CDH15: variants seen among roughly 807,000 people sequenced by gnomAD.
The protein encoded by CDH15 is cadherin 15, also known as cadherin-15.
In CDH15, 73 loss-of-function variants were observed where a neutral mutation model predicts 69.4. That is an observed-to-expected ratio of 1.05 (90% CI 0.87 to 1.28). The LOEUF (loss-of-function observed/expected upper bound fraction) is 1.28. Among genes scored for constraint, CDH15 ranks in the 50% most tolerant of loss-of-function variants. The pLI, the probability that CDH15 is intolerant of heterozygous loss-of-function variation, is 0.00. For synonymous variants in CDH15, 624 were observed against 507.7 expected (o/e 1.23, Z -3.08); for missense variants, 1,343 against 1,133.6 (o/e 1.18, Z -2.65).
At chr16:89,187,848 A>G (rs944145910) in intron 6 of CDH15, among the ~76,000 whole-genome samples, 44 of 152,266 alleles carry the variant, frequency 2.9e-4, no homozygotes, top group African/African-American at 9.6e-4. Context: ...CCTTTGCTGT[A>G]TGGGAAGGGA....
chr16:89,180,160 C>G (rs1915343675), intron 2 of CDH15, 40 bp from the exon 3 acceptor site: 1 of 1,606,568 alleles, frequency 6.2e-7, no homozygotes, highest in Non-Finnish European at 8.5e-7. Flanking sequence ...GAGGCCCCCG[C>G]CCGGAGCAGC....
rs1025790703 is a variant in CDH15 at position 89,180,189 on chromosome 16, C to G, written c.202-11C>G. On this transcript the variant is annotated splice_polypyrimidine_tract_variant and intron_variant, in intron 2 of 13. Coordinates refer to ENST00000289746, the MANE Select transcript of CDH15 (RefSeq NM_004933.3). ...GAGCAGCTCTCCCCAAACCCATTTC[C>G]TGCCCCACAGATCAAGTCGGACAAG... 1.2e-6 allele frequency: 2 copies of G among 1,610,236 alleles called. No homozygotes were observed. The highest frequency in any genetic ancestry group is 2.7e-5 in the African/African-American group (2 of 74,832).
chr16:89,193,674 G>A, intron 12 of CDH15, 68 bp downstream of exon 12: 1 of 1,568,206 alleles, frequency 6.4e-7, no homozygotes, highest in Non-Finnish European at 8.6e-7. Context: ...CTTACAACAA[G>A]CTGGCCAGGA....
At chr16:89,172,132 G>A (rs780012334) in intron 1 of CDH15, among the ~76,000 whole-genome samples, 16 of 152,150 alleles carry the variant, frequency 1.1e-4, no homozygotes, top group Non-Finnish European at 2.1e-4. Flanking sequence ...AGGGACCCCA[G>A]GCAGGGGCCA....
chr16:89,186,733 A>T (rs1915498168), intron 5 of CDH15, among the ~76,000 whole-genome samples: 1 of 147,414 alleles, frequency 6.8e-6, no homozygotes, highest in Admixed American at 6.7e-5. Flanking sequence ...GTAAAAGCTC[A>T]CCCAGCGCAC....
At chr16:89,190,176 A>G in intron 7 of CDH15, 67 bp from the exon 8 acceptor site, 1 of 1,579,122 alleles carries the variant, frequency 6.3e-7, no homozygotes. Flanking sequence ...TGGCTCCCCC[A>G]TGGCACCTGC....
rs1244904767 is a variant in CDH15 at position 89,191,396 on chromosome 16, C to A, written c.1299C>A (p.Thr433=). ...ACGCAGCCACTGGCCGGATCCAGAC[C>A]CAGCACGTGCTCAGCCCGGCGTCCC... is the stretch of plus-strand genomic sequence containing the variant. ...QVDAATGRIQ[T]QHVLSPASPF... is the part of the protein sequence containing the mutation. The change falls in exon 9 of 14, where the codon ACC becomes ACA. Residue 433 remains threonine, a synonymous_variant. Transcript: ENST00000289746. 1 of 1,612,812 alleles carries A rather than the reference C, an allele frequency of 6.2e-7. No individual in the cohort carries two copies. The highest frequency in any genetic ancestry group is 8.5e-7 in the Non-Finnish European group (1 of 1,179,992).
chr16:89,177,689 G>C (rs531487180), intron 1 of CDH15, among the ~76,000 whole-genome samples: 1 of 152,258 alleles, frequency 6.6e-6, no homozygotes, highest in South Asian at 2.1e-4. Flanking sequence ...AGTTCAGGCA[G>C]ACTCTGTGCC....
chr16:89,191,412 C>A lies in CDH15; in HGVS notation c.1315C>A (p.Pro439Thr). ...GRIQTQHVLSPASPFLKGGWY... is the reference protein window; with the variant it reads ...GRIQTQHVLSTASPFLKGGWY... ...GATCCAGACCCAGCACGTGCTCAGC[C>A]CGGCGTCCCCCTTCCTCAAGGGCGG... The change falls in exon 9 of 14, where the codon CCG (proline) becomes ACG (threonine). Residue 439 changes from proline to threonine, a missense_variant. Pro to Thr is a conservative substitution (Grantham distance 38). Coordinates refer to ENST00000289746, the MANE Select transcript of CDH15 (RefSeq NM_004933.3). 6.2e-7 allele frequency: 1 copy of A among 1,612,788 alleles called. No individual in the cohort carries two copies. Among genetic ancestry groups the A allele is most frequent in the South Asian group, 1.1e-5 (1 of 91,086 alleles).
intron 2 of CDH15, 84 bp from the exon 3 acceptor site, chr16:89,180,116 C>G: frequency 1.3e-6 from 2 of 1,482,220 alleles, no homozygotes; most frequent in Non-Finnish European, 9.3e-7. Context: ...CTGCTGTCAG[C>G]TGGGGAGGGG....
At chr16:89,181,645 A>G (rs1418038747) in intron 3 of CDH15, among the ~76,000 whole-genome samples, 2 of 152,028 alleles carry the variant, frequency 1.3e-5, no homozygotes, top group South Asian at 2.1e-4. Flanking sequence ...TCAAAAAAAA[A>G]AGAAGAAAAG....
intron 6 of CDH15, 68 bp downstream of exon 6, chr16:89,187,625 C>A (rs1915519674): frequency 6.3e-7 from 1 of 1,592,706 alleles, no homozygotes; most frequent in Non-Finnish European, 8.6e-7. Flanking sequence ...TGGGCTCCTG[C>A]AGAAGGCAGC....
chr16:89,180,974 C>CTTTTTTTTTTTTTTTTTTT (rs770080908), intron 3 of CDH15, among the ~76,000 whole-genome samples: 1,502 of 96,566 alleles, frequency 0.016, 165 homozygotes, highest in Middle Eastern at 0.037. Flanking sequence ...CGCGCCCGAC[C>CTTTTTTTTTTTTTTTTTTT]TTTTTTTTTT....
chr16:89,184,474 T>C (rs9635539), intron 4 of CDH15, among the ~76,000 whole-genome samples: 61,986 of 152,014 alleles, frequency 0.41, 13,053 homozygotes, highest in East Asian at 0.67. Flanking sequence ...CCATATGTGG[T>C]CCCTCTAGCG....
At chr16:89,176,870 A>C (rs1915268329) in intron 1 of CDH15, among the ~76,000 whole-genome samples, 1 of 149,828 alleles carries the variant, frequency 6.7e-6, no homozygotes, top group African/African-American at 2.5e-5. Flanking sequence ...TGGGACCCCC[A>C]GCACCTCCCA....
rs1301579669 is a variant in CDH15, at chr16:89,187,482, C to A, written c.717C>A (p.Gly239=). 1 of 1,613,598 alleles carries A rather than the reference C, an allele frequency of 6.2e-7. No individual in the cohort carries two copies. Among genetic ancestry groups the A allele is most frequent in the Non-Finnish European group, 8.5e-7 (1 of 1,180,016 alleles). The change falls in exon 6 of 14, where the codon GGC becomes GGA. Residue 239 remains glycine, a synonymous_variant. Coordinates refer to ENST00000289746, the MANE Select transcript of CDH15 (RefSeq NM_004933.3). ...AGGTGGCGGACATGTCTGGAGACGG[C>A]CTCACAGCCACTGCCTCAGCCATCA... is the stretch of plus-strand genomic sequence containing the variant. ...TLQVADMSGD[G]LTATASAIIT... is the part of the protein sequence containing the mutation.
intron 4 of CDH15, among the ~76,000 whole-genome samples, chr16:89,183,901 T>G (rs1035021095): frequency 7.3e-5 from 11 of 151,506 alleles, no homozygotes; most frequent in Non-Finnish European, 1.6e-4. Flanking sequence ...AGCCTGGGAG[T>G]GGAGGTTTTT....
intron 4 of CDH15, 84 bp downstream of exon 4, chr16:89,183,776 CCAGAGGCCCCT>C (rs1476284097): frequency 7.2e-7 from 1 of 1,397,548 alleles, no homozygotes; most frequent in Non-Finnish European, 9.7e-7. Context: ...AGCAAGAATT[CCAGAGGCCCCT>C]CAGAGTCTAA....
At chr16:89,191,627 C>T (rs1384110051) in intron 9 of CDH15, 28 bp from the exon 10 acceptor site, 2 of 1,568,632 alleles carry the variant, frequency 1.3e-6, no homozygotes, top group South Asian at 2.3e-5. Context: ...GTGTTGGGGT[C>T]ACTAAGCCGC....
Sources: allele counts gnomAD v4.1 joint callset (sites outside exome capture counted in the v4.1 genomes callset), GRCh38; gene constraint gnomAD v4.1.1; transcripts MANE v1.5; gene names NCBI Gene and HGNC (gene_info 2026-07-23, HGNC 2026-07-21).